The following ZC3H12B variants were observed in gnomAD, a reference collection of about 807,000 sequenced individuals.
The protein encoded by ZC3H12B is zinc finger CCCH-type containing 12B, also known as probable ribonuclease ZC3H12B.
Under a neutral mutation model 43.9 loss-of-function variants are expected in ZC3H12B, and 7 were observed. The ratio of observed to expected loss-of-function variants is 0.16; its 90% confidence interval spans 0.09 to 0.30. The LOEUF (loss-of-function observed/expected upper bound fraction) is 0.30, where lower values mean the gene tolerates loss of function less well. ZC3H12B is among the 10% of genes least tolerant of loss of function. The pLI is 1.00. For missense variants in ZC3H12B, 475 were observed against 670.2 expected (o/e 0.71, Z 3.22); for synonymous variants, 222 against 241.7 (o/e 0.92, Z 0.76).
At chrX:65,160,932 A>T in the ZC3H12B span, among the ~76,000 whole-genome samples, 2 of 110,243 alleles carry the variant, frequency 1.8e-5, no homozygotes, top group African/African-American at 6.6e-5. Flanking sequence ...AGTGCTTTGA[A>T]TGTGTCCCAG....
At chrX:65,275,053 C>A in the ZC3H12B span, among the ~76,000 whole-genome samples, 2 of 112,429 alleles carry the variant, frequency 1.8e-5, no homozygotes, top group East Asian at 5.6e-4. Flanking sequence ...GTGGTGGACA[C>A]ATCCTCAGAT....
chrX:65,150,357 G>A, the ZC3H12B span, among the ~76,000 whole-genome samples: 1 of 110,567 alleles, frequency 9.0e-6, no homozygotes. Flanking sequence ...GACAAAGACT[G>A]AATATTTCAG....
chrX:65,054,968 G>A, the ZC3H12B span, among the ~76,000 whole-genome samples: 2 of 111,785 alleles, frequency 1.8e-5, no homozygotes, highest in African/African-American at 3.3e-5. Context: ...TTGCTTATCA[G>A]CTTAAGGAGA....
In ZC3H12B at chrX:65,499,436, A is replaced by G. The variant is rs2068335571; in HGVS notation, c.983+203A>G. The G allele has an allele frequency of 7.6e-6, 3 of 395,472 alleles. No homozygotes were observed. Among genetic ancestry groups the G allele is most frequent in the African/African-American group, 5.0e-5 (2 of 39,897 alleles). The allele number at this position is 395,472 out of a possible 1,213,427, so 32.6% of individuals were successfully genotyped here. ...AAAGAGACAACCACAATGTTTTGTTATAAGAGCTACAGTTAAAATTTGTTT... is the reference window on the plus strand; with the variant it reads ...AAAGAGACAACCACAATGTTTTGTTGTAAGAGCTACAGTTAAAATTTGTTT... On this transcript the variant is annotated intron_variant, in intron 3 of 4. Transcript: ENST00000338957.
the ZC3H12B span, among the ~76,000 whole-genome samples, chrX:65,175,700 G>A: frequency 8.1e-5 from 9 of 111,615 alleles, no homozygotes. Context: ...CATTGGGACT[G>A]GTTGCACAGT....
At chrX:65,239,706 G>A in the ZC3H12B span, among the ~76,000 whole-genome samples, 1 of 112,235 alleles carries the variant, frequency 8.9e-6, no homozygotes, top group African/African-American at 3.2e-5. Flanking sequence ...TTTTGTGGTG[G>A]TTGATAGCAA....
the ZC3H12B span, among the ~76,000 whole-genome samples, chrX:65,335,601 G>T: frequency 9.0e-6 from 1 of 111,135 alleles, no homozygotes; most frequent in Admixed American, 9.6e-5. Context: ...AATTGTAAAG[G>T]TCATACAGAT....
At chrX:65,388,141 G>T (rs969581919) in intron 2 of ZC3H12B, among the ~76,000 whole-genome samples, 1 of 111,351 alleles carries the variant, frequency 9.0e-6, no homozygotes, top group Non-Finnish European at 1.9e-5. Flanking sequence ...TTCTCGAGGA[G>T]TATCTTTGTG....
chrX:65,304,611 G>A, the ZC3H12B span, among the ~76,000 whole-genome samples: 8 of 86,360 alleles, frequency 9.3e-5, no homozygotes, highest in Admixed American at 4.6e-4. Flanking sequence ...GCGACACTCC[G>A]TCTCAAAAAA....
intron 3 of ZC3H12B, among the ~76,000 whole-genome samples, chrX:65,467,701 G>A (rs1196152396): frequency 8.9e-6 from 1 of 112,063 alleles, no homozygotes; most frequent in African/African-American, 3.2e-5. Flanking sequence ...TTGACAATTA[G>A]TGATGTTGAG....
At chrX:65,346,068 A>T in the ZC3H12B span, among the ~76,000 whole-genome samples, 52 of 111,548 alleles carry the variant, frequency 4.7e-4, no homozygotes, top group East Asian at 0.014. Context: ...ACAGACTCAA[A>T]CTATTCCTAT....
intron 3 of ZC3H12B, among the ~76,000 whole-genome samples, chrX:65,479,539 TG>T (rs1262238617): frequency 9.0e-6 from 1 of 110,728 alleles, no homozygotes; most frequent in Non-Finnish European, 1.9e-5. Context: ...AGCTAATTTT[TG>T]TATTTTTAGT....
chrX:65,348,413 C>T, the ZC3H12B span, among the ~76,000 whole-genome samples: 1 of 110,859 alleles, frequency 9.0e-6, no homozygotes. Context: ...AGAAACATAC[C>T]AAATTGTGAA....
chrX:65,171,278 C>A, the ZC3H12B span, among the ~76,000 whole-genome samples: 6 of 111,565 alleles, frequency 5.4e-5, no homozygotes, highest in African/African-American at 2.0e-4. Flanking sequence ...CCTTCAGCTG[C>A]AGGTCTGTTG....
At position 65,430,518 on chromosome X, in the gene ZC3H12B, G is replaced by A. The variant is rs190273482; in HGVS notation, n.407+31814G>A. ...CTCCCCCCACCCCACAACAGGCCTCGGTGTGTGATGTTCCCCTTCCTGTGT... is the reference window on the plus strand; with the variant it reads ...CTCCCCCCACCCCACAACAGGCCTCAGTGTGTGATGTTCCCCTTCCTGTGT... On this transcript the variant is annotated intron_variant and non_coding_transcript_variant, in intron 3 of 5. Coordinates refer to the ZC3H12B transcript ENST00000617377. Among the ~76,000 whole-genome samples, 218 of 69,667 alleles carry A rather than the reference G, an allele frequency of 3.1e-3. 4 individuals carry two copies. In the Middle Eastern group the frequency reaches 0.076, roughly 24 times the overall value. The allele number at this position is 69,667 out of a possible 115,157, so 60.5% of individuals were successfully genotyped here. A position where few individuals can be genotyped will look rare whatever the true frequency, so the allele number is the denominator to read the frequency against.
At chrX:65,048,424 A>AT in the ZC3H12B span, among the ~76,000 whole-genome samples, 199 of 111,442 alleles carry the variant, frequency 1.8e-3, 6 homozygotes, top group East Asian at 0.048. Context: ...TTTTGGATAA[A>AT]TACTTAGCAG....
the ZC3H12B span, among the ~76,000 whole-genome samples, chrX:65,196,063 T>G: frequency 3.1e-3 from 350 of 111,129 alleles, 4 homozygotes; most frequent in African/African-American, 0.01. Flanking sequence ...AGAATATCTG[T>G]GTGTCAGCGG....
At chrX:65,112,699 C>G in the ZC3H12B span, among the ~76,000 whole-genome samples, 766 of 111,718 alleles carry the variant, frequency 6.9e-3, 10 homozygotes, top group African/African-American at 0.023. Context: ...ATTTTAAGCC[C>G]ACTGTTGAGA....
chrX:65,187,602 A>G, the ZC3H12B span, among the ~76,000 whole-genome samples: 1 of 110,870 alleles, frequency 9.0e-6, no homozygotes, highest in Admixed American at 9.6e-5. Flanking sequence ...ATTAATGGCA[A>G]AAACCGCAAT....
Sources: gnomAD v4.1 joint callset for allele counts (sites outside exome capture counted in the v4.1 genomes callset) on GRCh38, gnomAD v4.1.1 for gene constraint, MANE v1.5 for transcripts, NCBI Gene and HGNC (gene_info 2026-07-23, HGNC 2026-07-21) for gene names.